The following IGSF22 variants were observed in gnomAD, a reference collection of about 807,000 sequenced individuals.
IGSF22 encodes the protein immunoglobulin superfamily member 22.
IGSF22 carries 119 observed loss-of-function variants against 127.0 expected under a neutral mutation model. The observed-to-expected ratio is 0.94, with a 90% CI of 0.81 to 1.09. IGSF22 has a LOEUF of 1.09. Ranked by LOEUF, IGSF22 falls within the 50% of genes least tolerant of loss-of-function variation. The probability of loss-of-function intolerance (pLI) is 0.00; values close to 1 mark genes in which losing one functional copy is unlikely to be tolerated. For synonymous variants in IGSF22, 568 were observed against 664.7 expected (o/e 0.85, Z 2.24); for missense variants, 1,518 against 1,716.6 (o/e 0.88, Z 2.04).
rs1357660781 is a variant in IGSF22, at chr11:18,716,659, T to C, written c.1246+69A>G. The C allele has an allele frequency of 3.4e-6, 5 of 1,490,778 alleles. No individual in the cohort carries two copies. The highest frequency in any genetic ancestry group is 4.6e-6 in the Non-Finnish European group (5 of 1,080,436). 92.3% of individuals were successfully genotyped at this position (1,490,778 alleles called of 1,614,324 possible). A position where few individuals can be genotyped will look rare whatever the true frequency, so the allele number is the denominator to read the frequency against. On this transcript the variant is annotated intron_variant, in intron 10 of 22. Coordinates refer to ENST00000513874, the MANE Select transcript of IGSF22 (RefSeq NM_173588.4). This position sits in a 1 kb window ranked among gnomAD's most constrained non-coding sequence, Gnocchi z 4.5. Reference sequence around the variant, plus strand: ...ATGGATGGATAGATGGATATATAAATGATGACTACCTGCATGGAGGTTGCT... The same window carrying C: ...ATGGATGGATAGATGGATATATAAACGATGACTACCTGCATGGAGGTTGCT...
chr11:18,721,938 C>T lies in IGSF22; in HGVS notation c.213G>A (p.Glu71=). The T allele has an allele frequency of 6.2e-7, 1 of 1,613,730 alleles. No individual in the cohort carries two copies. The highest frequency in any genetic ancestry group is 1.3e-5 in the African/African-American group (1 of 75,070). ...CGGGCGCGGTGACCGGTTGAGGCTTCTCCACGAACTCAGGGACGCTGTCGC... is the reference window on the plus strand; with the variant it reads ...CGGGCGCGGTGACCGGTTGAGGCTTTTCCACGAACTCAGGGACGCTGTCGC... ...PAGDSVPEFV[E]KPQPVTAPEG... The change falls in exon 3 of 23, where the codon GAG becomes GAA. Residue 71 remains glutamate, a synonymous_variant. Coordinates refer to ENST00000513874, the MANE Select transcript of IGSF22 (RefSeq NM_173588.4).
chr11:18,709,437 A>T lies in IGSF22; in HGVS notation c.2948T>A (p.Val983Asp), dbSNP rs766272943. 4 of 1,613,578 alleles carry T rather than the reference A, an allele frequency of 2.5e-6. No homozygotes were observed. The East Asian group carries it at 6.7e-5, about 27-fold the overall frequency. ...CTTGTCTAGCTCCACAGGCTCCCCA[A>T]CCCCAGCCTCATTCACAGCCCGGAT... ...FRIRAVNEAG[V>D]GEPVELDKGV... is the part of the protein sequence containing the mutation. The change falls in exon 18 of 23, where the codon GTT becomes GAT. Residue 983 changes from valine (V) to aspartate (D), a missense_variant. Physicochemically the swap from Val to Asp is radical, Grantham distance 152 (BLOSUM62 -3). Coordinates refer to ENST00000513874, the MANE Select transcript of IGSF22 (RefSeq NM_173588.4). The surrounding 1 kb of genome is among the most constrained non-coding windows in gnomAD (Gnocchi z 4.8).
At chr11:18,721,499 C>G (rs1007982016) in intron 4 of IGSF22, 36 bp downstream of exon 4, 1 of 1,613,918 alleles carries the variant, frequency 6.2e-7, no homozygotes, top group Non-Finnish European at 8.5e-7. Context: ...TGCCTCTGGC[C>G]TTCTCGGTAA....
chr11:18,717,295 A>G (rs1848480928), intron 9 of IGSF22, among the ~76,000 whole-genome samples: 1 of 152,214 alleles, frequency 6.6e-6, no homozygotes, highest in African/African-American at 2.4e-5. Flanking sequence ...GGTAGATTCT[A>G]TTATTCCCCA....
At chr11:18,710,226 C>T in intron 17 of IGSF22, 101 bp downstream of exon 17, 1 of 1,474,154 alleles carries the variant, frequency 6.8e-7, no homozygotes, top group Non-Finnish European at 9.3e-7. Context: ...AGTGTAGAGA[C>T]TGTGATACCT....
At position 18,721,531 on chromosome 11, in the gene IGSF22, G is replaced by A. The variant is rs747410116; in HGVS notation, c.378+4C>T. ...GTAACTGGACTTGGGCTTGGCCCCC[G>A]CACCTTCAGCACGTGTTCCTTGTTA... On this transcript the variant is annotated splice_donor_region_variant and intron_variant, in intron 4 of 22. Transcript: ENST00000513874. 6 of 1,614,058 alleles carry A rather than the reference G, an allele frequency of 3.7e-6. No homozygotes were observed. In the African/African-American group the frequency reaches 8.0e-5, roughly 22 times the overall value.
At chr11:18,704,845 G>A in intron 22 of IGSF22, 1 of 333,588 alleles carries the variant, frequency 3.0e-6, no homozygotes, top group Non-Finnish European at 5.8e-6. Context: ...AGGGCCCTGG[G>A]CCCATTTGCT....
At chr11:18,725,177 G>A (rs1467455107) in intron 1 of IGSF22, among the ~76,000 whole-genome samples, 3 of 151,990 alleles carry the variant, frequency 2.0e-5, no homozygotes, top group East Asian at 1.9e-4. Flanking sequence ...CCAGCATTGC[G>A]GTTTTTTTTG....
rs1848424284 is a variant in IGSF22 at position 18,714,557 on chromosome 11, C to A, written c.1599G>T (p.Leu533Phe). The A allele has an allele frequency of 1.2e-6, 2 of 1,614,122 alleles. No homozygotes were observed. Among genetic ancestry groups the A allele is most frequent in the Admixed American group, 3.3e-5 (2 of 60,012 alleles). The change falls in exon 12 of 23, where the codon TTG becomes TTT. Residue 533 changes from leucine (L) to phenylalanine (F), a missense_variant. By Grantham distance (22) the Leu-to-Phe change is conservative (BLOSUM62 0). Transcript: ENST00000513874. The part of the protein sequence containing the change: ...VHAATGSPAE[L>F]CVVLNDEKVE... ...CCTTCTCGTCATTCAGCACTACACA[C>A]AACTCAGCTGGGCTCCCAGTGGCCG...
At chr11:18,714,759 C>T (rs1054651585) in intron 11 of IGSF22, 135 bp from the exon 12 acceptor site, 9 of 1,194,924 alleles carry the variant, frequency 7.5e-6, no homozygotes, top group Middle Eastern at 2.7e-4. Context: ...GATGAGCAGG[C>T]GGCTTGCCAA....
At chr11:18,710,622 G>A (rs762663797) in intron 16 of IGSF22, 33 bp downstream of exon 16, 1 of 1,595,468 alleles carries the variant, frequency 6.3e-7, no homozygotes, top group African/African-American at 1.3e-5. Context: ...ACCTCCTTTG[G>A]TCACTCCTGG....
At chr11:18,713,500 C>T (rs535117887) in intron 14 of IGSF22, among the ~76,000 whole-genome samples, 52 of 152,326 alleles carry the variant, frequency 3.4e-4, no homozygotes, top group African/African-American at 1.2e-3. Flanking sequence ...TCATTTCCAT[C>T]TTACCTCCTA....
chr11:18,720,053 G>C lies in IGSF22; in HGVS notation c.518+11C>G, dbSNP rs1848541458. ...GACAATATCTTGGGCAGAAGGACCT[G>C]CCAGCCTCACCTCTTCTTCAGCATC... On this transcript the variant is annotated intron_variant, in intron 6 of 22. Transcript: ENST00000513874. 2 of 1,613,822 alleles carry C rather than the reference G, an allele frequency of 1.2e-6. No individual in the cohort carries two copies. Among genetic ancestry groups the C allele is most frequent in the Admixed American group, 3.3e-5 (2 of 60,002 alleles).
chr11:18,717,115 A>G, intron 9 of IGSF22, 115 bp from the exon 10 acceptor site: 1 of 1,171,600 alleles, frequency 8.5e-7, no homozygotes. Context: ...GGGGGAAAGC[A>G]CCCTGCCTTT....
At chr11:18,711,616 C>T (rs10741751) in intron 15 of IGSF22, among the ~76,000 whole-genome samples, 109,084 of 152,006 alleles carry the variant, frequency 0.72, 39,420 homozygotes, top group East Asian at 0.81. Context: ...CAGGCTAGTC[C>T]TGAACTCCTG....
In IGSF22 at chr11:18,710,662, G is replaced by T; in HGVS notation, c.2565C>A (p.Pro855=). 6.2e-7 allele frequency: 1 copy of T among 1,612,134 alleles called. No individual in the cohort carries two copies. Among genetic ancestry groups the T allele is most frequent in the African/African-American group, 1.3e-5 (1 of 75,020 alleles). ...CTGTTCCAAGGACCTCACCCTGGATGGGGTCCTTGTTGACTGGCACCCACA... is the reference window on the plus strand; with the variant it reads ...CTGTTCCAAGGACCTCACCCTGGATTGGGTCCTTGTTGACTGGCACCCACA... The part of the protein sequence containing the change: ...SNLWVPVNKD[P]IQGTKCTVDG... The change falls in exon 16 of 23, where the codon CCC becomes CCA. Residue 855 remains proline (P), a synonymous_variant. Transcript: ENST00000513874.
chr11:18,706,292 G>T (rs1257618620), intron 21 of IGSF22, 146 bp from the exon 22 acceptor site: 62 of 791,308 alleles, frequency 7.8e-5, no homozygotes, highest in Non-Finnish European at 1.1e-4. Context: ...TGTTACACTG[G>T]TTCTTAAGGG....
intron 11 of IGSF22, 110 bp downstream of exon 11, chr11:18,715,322 T>C: frequency 1.8e-6 from 2 of 1,119,514 alleles, no homozygotes; most frequent in South Asian, 1.4e-5. Flanking sequence ...AAGTTGGTCA[T>C]GGTCTACAGG....
Position 18,704,409 on chromosome 11 carries a change from G to T in IGSF22, c.*59C>A. 1 of 1,168,890 alleles carries T rather than the reference G, an allele frequency of 8.6e-7. No individual in the cohort carries two copies. The highest frequency in any genetic ancestry group is 1.3e-6 in the Non-Finnish European group (1 of 798,388). 72.4% of individuals were successfully genotyped at this position (1,168,890 alleles called of 1,614,324 possible). A position where few individuals can be genotyped will look rare whatever the true frequency, so the allele number is the denominator to read the frequency against. Reference sequence around the variant, plus strand: ...GGCTTCCTACACTGGGCCATGCAGAGGACAGGCCAAGAAACTCCACATCAT... The same window carrying T: ...GGCTTCCTACACTGGGCCATGCAGATGACAGGCCAAGAAACTCCACATCAT... On this transcript the variant is annotated 3_prime_UTR_variant, in exon 23 of 23. Coordinates refer to ENST00000513874, the MANE Select transcript of IGSF22 (RefSeq NM_173588.4).
Sources: gnomAD v4.1 joint callset for allele counts (sites outside exome capture counted in the v4.1 genomes callset) on GRCh38, gnomAD v4.1.1 for gene constraint, Gnocchi (gnomAD v3.1) non-coding constraint, MANE v1.5 for transcripts, NCBI Gene and HGNC (gene_info 2026-07-23, HGNC 2026-07-21) for gene names.